Variants in TOPAZ1 observed in about 807,000 individuals in gnomAD.
The protein encoded by TOPAZ1 is protein TOPAZ1.
A neutral mutation model predicts 172.2 loss-of-function variants in TOPAZ1; 66 were observed. The observed-to-expected ratio is 0.38, with a 90% CI of 0.31 to 0.47. The LOEUF is 0.47. Ranked by LOEUF, TOPAZ1 falls within the 20% of genes least tolerant of loss-of-function variation. TOPAZ1 has a pLI of 0.99. For missense variants in TOPAZ1, 1,822 were observed against 1,972.4 expected (o/e 0.92, Z 1.44); for synonymous variants, 681 against 683.9 (o/e 1.00, Z 0.07).
At chr3:44,281,013 A>G (rs1047387719) in intron 8 of TOPAZ1, among the ~76,000 whole-genome samples, 5 of 152,152 alleles carry the variant, frequency 3.3e-5, no homozygotes, top group African/African-American at 4.8e-5. Flanking sequence ...AACCCCCTAC[A>G]TTAGTCTCAG....
rs1181818178 is a variant in TOPAZ1, at chr3:44,304,189, C to A, written c.3864+108C>A. The A allele has an allele frequency of 1.7e-5, 10 of 602,474 alleles. No individual in the cohort carries two copies. The East Asian group carries it at 2.4e-4, about 15-fold the overall frequency. The allele number at this position is 602,474 out of a possible 1,614,324, so 37.3% of individuals were successfully genotyped here. On this transcript the variant is annotated intron_variant, in intron 13 of 19. Transcript: ENST00000309765. ...TTTATGAAAAGTTTTAGAAATGTGGCTGTTATACAGAGAAAATGCTCAAGG... is the reference window on the plus strand; with the variant it reads ...TTTATGAAAAGTTTTAGAAATGTGGATGTTATACAGAGAAAATGCTCAAGG...
chr3:44,306,041 G>A (rs1408421668), intron 14 of TOPAZ1, among the ~76,000 whole-genome samples: 2 of 152,168 alleles, frequency 1.3e-5, no homozygotes, highest in Non-Finnish European at 2.9e-5. Context: ...CTTTACTACT[G>A]TAGCCTTTAT....
intron 18 of TOPAZ1, among the ~76,000 whole-genome samples, chr3:44,324,090 A>C (rs1431104326): frequency 2.0e-5 from 3 of 152,338 alleles, no homozygotes; most frequent in Non-Finnish European, 2.9e-5. Context: ...AGCTGTGATC[A>C]ATGCAGCAGG....
chr3:44,329,453 G>A (rs1022033340), intron 19 of TOPAZ1, among the ~76,000 whole-genome samples: 1 of 152,196 alleles, frequency 6.6e-6, no homozygotes, highest in African/African-American at 2.4e-5. Context: ...TGACATGACT[G>A]ACAGCTAATT....
In TOPAZ1 at chr3:44,323,114, T is replaced by C. The variant is rs1262595297; in HGVS notation, c.4494T>C (p.Tyr1498=). 10 of 1,541,734 alleles carry C rather than the reference T, an allele frequency of 6.5e-6. No individual in the cohort carries two copies. The highest frequency in any genetic ancestry group is 1.4e-5 in the African/African-American group (1 of 72,782). The part of the protein sequence containing the change: ...NSQETVEVSQ[Y]SLLFNKLLGS... ...CAGAAACTGTGGAAGTCTCACAATA[T>C]AGCCTTCTTTTTAATAAGCTTCTAG... The change falls in exon 18 of 20, where the codon TAT becomes TAC. Residue 1498 remains tyrosine, a synonymous_variant. Transcript: ENST00000309765.
At position 44,309,972 on chromosome 3, in the gene TOPAZ1, G is replaced by A; in HGVS notation, c.4288G>A (p.Ala1430Thr). Residue 1430 changes from alanine (A) to threonine (T), a missense_variant, in exon 16 of 20, where the codon GCC becomes ACC. Transcript: ENST00000309765. ...TCTAAAAAGTGGAAGCCTAGATGGT[G>A]CCATTTGGGTAATGAGGGGTAAGTC... Reference protein sequence around the residue: ...IFLKSGSLDGAIWVMRESEWI... With the variant: ...IFLKSGSLDGTIWVMRESEWI... 6.5e-7 allele frequency: 1 copy of A among 1,549,582 alleles called. No homozygotes were observed. The highest frequency in any genetic ancestry group is 8.7e-7 in the Non-Finnish European group (1 of 1,146,478).
At chr3:44,304,885 T>A (rs1700317194) in intron 13 of TOPAZ1, among the ~76,000 whole-genome samples, 1 of 152,210 alleles carries the variant, frequency 6.6e-6, no homozygotes, top group Non-Finnish European at 1.5e-5. Context: ...TACAGTTAAA[T>A]ACTTTAAGAC....
intron 4 of TOPAZ1, among the ~76,000 whole-genome samples, chr3:44,260,516 G>C (rs1358371640): frequency 6.6e-6 from 1 of 151,940 alleles, no homozygotes; most frequent in Non-Finnish European, 1.5e-5. Flanking sequence ...TTTTCTTTTA[G>C]GGTTTTTTGG....
At chr3:44,298,909 A>ATATATATATATATAT (rs1287571186) in intron 12 of TOPAZ1, among the ~76,000 whole-genome samples, 1 of 41,322 alleles carries the variant, frequency 2.4e-5, no homozygotes, top group African/African-American at 7.7e-5. Context: ...ATATATATAT[A>ATATATATATATATAT]TTTTTTTTTT....
intron 9 of TOPAZ1, among the ~76,000 whole-genome samples, chr3:44,284,178 A>G (rs1379059973): frequency 6.6e-6 from 1 of 152,234 alleles, no homozygotes; most frequent in Non-Finnish European, 1.5e-5. Flanking sequence ...TGGCATATTA[A>G]GTACATTCAA....
rs775111898 is a variant in TOPAZ1 at position 44,305,261 on chromosome 3, C to T, written c.3979C>T (p.Leu1327Phe). 3.2e-6 allele frequency: 5 copies of T among 1,545,736 alleles called. No homozygotes were observed. The highest frequency in any genetic ancestry group is 1.4e-5 in the African/African-American group (1 of 72,646). ...QTFCACIAET[L>F]TKNYEDERPD... The stretch of plus-strand genomic sequence containing the variant: ...ATTTTGTGCTTGCATTGCTGAAACA[C>T]TCACAAAAAACTATGAAGATGAAAG... The change falls in exon 14 of 20, where the codon CTC becomes TTC. Residue 1327 changes from leucine (L) to phenylalanine (F), a missense_variant. By Grantham distance (22) the Leu-to-Phe change is conservative. This residue lies in a region of TOPAZ1 where 333 missense variants were observed against 481.7 expected (regional missense o/e 0.69). Coordinates refer to ENST00000309765, the MANE Select transcript of TOPAZ1 (RefSeq NM_001145030.2).
At chr3:44,291,163 A>G (rs1025050212) in intron 12 of TOPAZ1, among the ~76,000 whole-genome samples, 3 of 151,570 alleles carry the variant, frequency 2.0e-5, no homozygotes, top group African/African-American at 7.3e-5. Context: ...ACTTAATTAC[A>G]CCTAATGTAC....
intron 2 of TOPAZ1, among the ~76,000 whole-genome samples, chr3:44,252,718 G>C (rs1418347233): frequency 6.6e-6 from 1 of 152,192 alleles, no homozygotes; most frequent in East Asian, 1.9e-4. Context: ...ATATGTTCCA[G>C]TAGTTCTCTT....
chr3:44,255,774 C>T (rs1225637717), intron 3 of TOPAZ1, among the ~76,000 whole-genome samples: 2 of 147,532 alleles, frequency 1.4e-5, no homozygotes, highest in African/African-American at 5.0e-5. Context: ...ATCTTTATTT[C>T]ATAGGGCATA....
intron 5 of TOPAZ1, among the ~76,000 whole-genome samples, chr3:44,265,569 A>G (rs928427932): frequency 2.0e-5 from 3 of 152,228 alleles, no homozygotes; most frequent in African/African-American, 7.2e-5. Context: ...AAACAAACAC[A>G]GAAAAAAACC....
rs780961743 is a variant in TOPAZ1, at chr3:44,242,972, T to G, written c.466T>G (p.Ser156Ala). ...ESFQTVECLQ[S>A]LGKESIIEGI... ...TTTCCAAACAGTGGAATGCTTGCAG[T>G]CTTTGGGTAAGGAAAGTATAATAGA... is the stretch of plus-strand genomic sequence containing the variant. The change falls in exon 2 of 20, where the codon TCT becomes GCT. Residue 156 changes from serine to alanine, a missense_variant. Physicochemically the swap from Ser to Ala is moderately conservative, Grantham distance 99. Transcript: ENST00000309765. 6.4e-7 allele frequency: 1 copy of G among 1,550,858 alleles called. No homozygotes were observed. The highest frequency in any genetic ancestry group is 8.7e-7 in the Non-Finnish European group (1 of 1,146,806).
At chr3:44,300,523 A>G (rs1485996849) in intron 12 of TOPAZ1, among the ~76,000 whole-genome samples, 1 of 152,228 alleles carries the variant, frequency 6.6e-6, no homozygotes, top group African/African-American at 2.4e-5. Context: ...TAAGTTCAAC[A>G]TTGTTAGCCA....
chr3:44,314,235 A>G (rs1006954572), intron 16 of TOPAZ1, among the ~76,000 whole-genome samples: 3 of 151,992 alleles, frequency 2.0e-5, no homozygotes, highest in Non-Finnish European at 4.4e-5. Flanking sequence ...CCAACTTTGC[A>G]TTTAATTATT....
chr3:44,321,910 T>C (rs1267918695), intron 17 of TOPAZ1, among the ~76,000 whole-genome samples: 1 of 152,202 alleles, frequency 6.6e-6, no homozygotes, highest in East Asian at 1.9e-4. Flanking sequence ...TCTCTTAATA[T>C]ACAATTAGTT....
Sources: gnomAD v4.1 joint callset for allele counts (sites outside exome capture counted in the v4.1 genomes callset) on GRCh38, gnomAD v4.1.1 for gene constraint, gnomAD v4.1.1 regional missense constraint, MANE v1.5 for transcripts, NCBI Gene and HGNC (gene_info 2026-07-23, HGNC 2026-07-21) for gene names.